The following SLC38A11 variants were observed in gnomAD, a reference collection of about 807,000 sequenced individuals.
SLC38A11 encodes putative sodium-coupled neutral amino acid transporter 11.
A neutral mutation model predicts 49.4 loss-of-function variants in SLC38A11; 51 were observed. The observed-to-expected ratio is 1.03, with a 90% CI of 0.83 to 1.30. The LOEUF (loss-of-function observed/expected upper bound fraction) is 1.30. SLC38A11 is among the 50% of genes most tolerant of loss of function. SLC38A11 has a pLI of 0.00. For synonymous variants in SLC38A11, 203 were observed against 192.9 expected (o/e 1.05, Z -0.43); for missense variants, 574 against 556.2 (o/e 1.03, Z -0.32).
At chr2:164,951,983 GCCA>G (rs142143126) in intron 3 of SLC38A11, among the ~76,000 whole-genome samples, 84,811 of 151,508 alleles carry the variant, frequency 0.56, 23,998 homozygotes, top group South Asian at 0.77. Flanking sequence ...TTTGATCATT[GCCA>G]CCACCTCTTT....
chr2:164,950,523 C>T (rs1404807226), intron 3 of SLC38A11, among the ~76,000 whole-genome samples: 1 of 152,078 alleles, frequency 6.6e-6, no homozygotes, highest in East Asian at 1.9e-4. Context: ...AGGTATTAAT[C>T]ACTATAATAT....
At chr2:164,916,012 AAATAC>A in intron 7 of SLC38A11, 39 bp from the exon 8 acceptor site, 2 of 1,376,304 alleles carry the variant, frequency 1.5e-6, no homozygotes, top group Non-Finnish European at 2.1e-6. Context: ...ATTGTTAAAT[AAATAC>A]AAGCATCAGT....
chr2:164,931,241 C>CAAAAA (rs71028455), intron 7 of SLC38A11, among the ~76,000 whole-genome samples: 24 of 74,758 alleles, frequency 3.2e-4, no homozygotes, highest in African/African-American at 1.0e-3. Flanking sequence ...TGATCCCCCA[C>CAAAAA]AAAAAAAAAA....
Position 164,950,606 on chromosome 2 carries a change from G to T in SLC38A11, c.229+2101C>A, listed in dbSNP as rs1000325395. On this transcript the variant is annotated intron_variant, in intron 3 of 11. Coordinates refer to ENST00000685975, the MANE Select transcript of SLC38A11 (RefSeq NM_001351537.2). ...TGAATGAATCTGTTACTTAACAAAA[G>T]AATTTTCTTTTAAATAATTTTGTAT... Among the ~76,000 whole-genome samples, 13 of 152,046 alleles carry T rather than the reference G, an allele frequency of 8.6e-5. No homozygotes were observed. In the East Asian group the frequency reaches 1.5e-3, roughly 18 times the overall value.
chr2:164,915,169 A>G lies in SLC38A11; in HGVS notation c.793T>C (p.Phe265Leu). The G allele has an allele frequency of 6.2e-7, 1 of 1,612,632 alleles. No individual in the cohort carries two copies. The highest frequency in any genetic ancestry group is 8.5e-7 in the Non-Finnish European group (1 of 1,179,088). ...LIHMSIVISV[F>L]ICIFFATCGY... is the part of the protein sequence containing the mutation. Reference sequence around the variant, plus strand: ...CATGTAGCAAAGAATATACAGATAAATACAGAAATCACGATGGACATATGG... The same window carrying G: ...CATGTAGCAAAGAATATACAGATAAGTACAGAAATCACGATGGACATATGG... The change falls in exon 9 of 12, where the codon TTT becomes CTT. Residue 265 changes from phenylalanine (F) to leucine (L), a missense_variant. Transcript: ENST00000685975.
At chr2:164,941,515 C>G (rs1687764989) in intron 5 of SLC38A11, among the ~76,000 whole-genome samples, 1 of 152,074 alleles carries the variant, frequency 6.6e-6, no homozygotes, top group Admixed American at 6.5e-5. Context: ...GGTGAAGATG[C>G]TGTAAGAATA....
chr2:164,910,828 C>T (rs113451630), intron 10 of SLC38A11, among the ~76,000 whole-genome samples: 95 of 152,130 alleles, frequency 6.2e-4, no homozygotes, highest in African/African-American at 2.0e-3. Context: ...GTTTTACTGC[C>T]GACTGGTACA....
rs1687771783 is a variant in SLC38A11 at position 164,941,630 on chromosome 2, TATA to T, written c.431-2077_431-2075del. Among the ~76,000 whole-genome samples the T allele has an allele frequency of 2.0e-5, 3 of 152,282 alleles. No homozygotes were observed. In the East Asian group the frequency reaches 5.8e-4, roughly 29 times the overall value. Reference sequence around the variant, plus strand: ...GCTTCAAAGGACCATTAGCCTTTTCTATAATATTTTATTTTTATGAAGAGCGTT... The same window carrying T: ...GCTTCAAAGGACCATTAGCCTTTTCTATATTTTATTTTTATGAAGAGCGTT... On this transcript the variant is annotated intron_variant, in intron 5 of 11. Coordinates refer to ENST00000685975, the MANE Select transcript of SLC38A11 (RefSeq NM_001351537.2).
intron 9 of SLC38A11, among the ~76,000 whole-genome samples, 185 bp downstream of exon 9, chr2:164,914,927 T>C (rs745837744): frequency 1.2e-4 from 18 of 151,740 alleles, no homozygotes; most frequent in South Asian, 6.2e-4. Context: ...CAGAACTAAA[T>C]TGAGCAGTTT....
At chr2:164,931,861 G>A (rs971888901) in intron 7 of SLC38A11, among the ~76,000 whole-genome samples, 2 of 152,150 alleles carry the variant, frequency 1.3e-5, no homozygotes, top group South Asian at 2.1e-4. Flanking sequence ...ACATAGGAAC[G>A]GGCAAATATT....
chr2:164,945,802 T>C, intron 3 of SLC38A11, 75 bp from the exon 4 acceptor site: 1 of 1,504,142 alleles, frequency 6.6e-7, no homozygotes, highest in Non-Finnish European at 9.0e-7. Context: ...TTAATTACCA[T>C]CGAGAAAAGG....
chr2:164,925,136 G>A (rs1573940928), intron 7 of SLC38A11, among the ~76,000 whole-genome samples: 1 of 152,076 alleles, frequency 6.6e-6, no homozygotes, highest in East Asian at 1.9e-4. Flanking sequence ...TTGCCATTTG[G>A]GACACCAGTC....
At chr2:164,943,688 C>G (rs1048456999) in intron 5 of SLC38A11, among the ~76,000 whole-genome samples, 1 of 152,070 alleles carries the variant, frequency 6.6e-6, no homozygotes, top group African/African-American at 2.4e-5. Flanking sequence ...GACAGAATCT[C>G]TCTATGTGGC....
In SLC38A11 at chr2:164,898,177, C is replaced by A; in HGVS notation, c.*260G>T. On this transcript the variant is annotated 3_prime_UTR_variant, in exon 12 of 12. Coordinates refer to ENST00000685975, the MANE Select transcript of SLC38A11 (RefSeq NM_001351537.2). ...AATAAAAGGGGGATGGCAGAAAATG[C>A]TAAAGGCTTAACTCTCCCTTCTTCA... The A allele has an allele frequency of 3.8e-6, 1 of 262,064 alleles. No individual in the cohort carries two copies. The highest frequency in any genetic ancestry group is 8.1e-5 in the East Asian group (1 of 12,308). 16.2% of individuals were successfully genotyped at this position (262,064 alleles called of 1,614,324 possible). A position where few individuals can be genotyped will look rare whatever the true frequency, so the allele number is the denominator to read the frequency against.
intron 3 of SLC38A11, among the ~76,000 whole-genome samples, chr2:164,947,575 A>T (rs1247728209): frequency 6.6e-6 from 1 of 152,146 alleles, no homozygotes; most frequent in African/African-American, 2.4e-5. Flanking sequence ...CAGCTGCCTA[A>T]TAAATATTTT....
intron 3 of SLC38A11, among the ~76,000 whole-genome samples, chr2:164,948,763 C>G (rs982975850): frequency 2.0e-5 from 3 of 152,134 alleles, no homozygotes; most frequent in Non-Finnish European, 2.9e-5. Context: ...CTTTGCAAAC[C>G]TCTCCAACTT....
At chr2:164,940,410 A>G (rs1687686407) in intron 5 of SLC38A11, among the ~76,000 whole-genome samples, 1 of 151,146 alleles carries the variant, frequency 6.6e-6, no homozygotes, top group Non-Finnish European at 1.5e-5. Context: ...TGAAGACGCT[A>G]TTGTTTAAAT....
intron 6 of SLC38A11, chr2:164,937,744 A>T (rs943246270): frequency 8.7e-5 from 16 of 182,858 alleles, no homozygotes; most frequent in African/African-American, 3.8e-4. Context: ...TAGCTTATAA[A>T]AGTAAAAGTG....
chr2:164,909,518 A>G (rs543431744), intron 10 of SLC38A11, among the ~76,000 whole-genome samples: 1 of 151,376 alleles, frequency 6.6e-6, no homozygotes, highest in South Asian at 2.1e-4. Context: ...TAGGACTAGA[A>G]GGAGCTTTAG....
Sources: allele counts gnomAD v4.1 joint callset (sites outside exome capture counted in the v4.1 genomes callset), GRCh38; gene constraint gnomAD v4.1.1; transcripts MANE v1.5; gene names NCBI Gene and HGNC (gene_info 2026-07-23, HGNC 2026-07-21).